Variants in FMN1 observed in about 807,000 individuals in gnomAD.
The protein encoded by FMN1 is formin 1, also known as formin-1.
Under a neutral mutation model 132.4 loss-of-function variants are expected in FMN1, and 110 were observed. The ratio of observed to expected loss-of-function variants is 0.83; its 90% CI spans 0.71 to 0.97. The LOEUF is 0.97. Among genes scored for constraint, FMN1 ranks in the 50% least tolerant of loss-of-function variants. The probability of loss-of-function intolerance (pLI) is 0.00; values close to 1 mark genes in which losing one functional copy is unlikely to be tolerated. For missense variants in FMN1, 1,792 were observed against 1,705.3 expected (o/e 1.05, Z -0.90); for synonymous variants, 722 against 651.7 (o/e 1.11, Z -1.64).
chr15:32,910,389 C>G, intron 11 of FMN1, 85 bp downstream of exon 11: 1 of 1,138,092 alleles, frequency 8.8e-7, no homozygotes, highest in Non-Finnish European at 1.3e-6. Context: ...AAAACCCTTA[C>G]TACCAAAGAA....
intron 17 of FMN1, among the ~76,000 whole-genome samples, chr15:32,813,420 C>CT (rs1305113227): frequency 2.0e-5 from 3 of 151,850 alleles, no homozygotes; most frequent in Middle Eastern, 3.4e-3. Context: ...AGTAAACTCA[C>CT]TTTTTTTTTC....
intron 16 of FMN1, among the ~76,000 whole-genome samples, chr15:32,882,798 C>T (rs1282949288): frequency 1.4e-5 from 2 of 144,734 alleles, no homozygotes; most frequent in African/African-American, 2.7e-5. Flanking sequence ...AATTTGACAA[C>T]CCTAAGAGTA....
intron 17 of FMN1, among the ~76,000 whole-genome samples, chr15:32,825,747 T>C (rs898423086): frequency 5.9e-5 from 9 of 152,238 alleles, no homozygotes; most frequent in African/African-American, 2.2e-4. Flanking sequence ...ACCCTTTTCA[T>C]TGCCATTCCC....
intron 16 of FMN1, among the ~76,000 whole-genome samples, chr15:32,868,480 A>C (rs917804754): frequency 6.6e-6 from 1 of 152,182 alleles, no homozygotes; most frequent in Non-Finnish European, 1.5e-5. Context: ...TGTTTGTGTA[A>C]GTACACTCTA....
chr15:33,058,979 C>T (rs1421335395), intron 6 of FMN1, among the ~76,000 whole-genome samples: 2 of 152,154 alleles, frequency 1.3e-5, no homozygotes, highest in Non-Finnish European at 2.9e-5. Context: ...TGCAACAGAT[C>T]ACAAAATCTA....
chr15:33,160,834 CTA>C (rs1441353632), intron 3 of FMN1, among the ~76,000 whole-genome samples: 1 of 152,054 alleles, frequency 6.6e-6, no homozygotes, highest in Non-Finnish European at 1.5e-5. Context: ...GGCATTCTGT[CTA>C]TGACAACATT....
chr15:33,070,131 G>A lies in FMN1; in HGVS notation c.2044-5057C>T, dbSNP rs183793423. Among the ~76,000 whole-genome samples, 11 of 149,648 alleles carry A rather than the reference G, an allele frequency of 7.4e-5. No individual in the cohort carries two copies. The East Asian group carries it at 1.8e-3, about 24-fold the overall frequency. On this transcript the variant is annotated intron_variant, in intron 5 of 20. Transcript: ENST00000616417. ...AGTGATTCTTCTGCCTCGGCCTCCT[G>A]AGTAGCTGGAATTACAGGAATGCGC...
intron 18 of FMN1, among the ~76,000 whole-genome samples, chr15:32,799,950 T>C (rs1324195354): frequency 2.6e-5 from 4 of 152,160 alleles, no homozygotes; most frequent in Non-Finnish European, 5.9e-5. Flanking sequence ...CTCAATGCTC[T>C]ATCATCTGTT....
chr15:33,104,641 A>G (rs1407119764), intron 4 of FMN1, among the ~76,000 whole-genome samples: 14 of 152,118 alleles, frequency 9.2e-5, no homozygotes, highest in Admixed American at 9.2e-4. Flanking sequence ...GAAGCTAGTA[A>G]TACGTATGTA....
intron 4 of FMN1, among the ~76,000 whole-genome samples, chr15:33,151,714 A>G (rs867599724): frequency 8.6e-5 from 13 of 151,836 alleles, no homozygotes; most frequent in South Asian, 4.1e-4. Context: ...TAATAATCTC[A>G]GAGAGTTTCC....
intron 4 of FMN1, among the ~76,000 whole-genome samples, chr15:33,113,256 A>C (rs1301248415): frequency 6.6e-6 from 1 of 152,162 alleles, no homozygotes; most frequent in Non-Finnish European, 1.5e-5. Context: ...GCTCCTTGAC[A>C]TGAATTCAAA....
At chr15:33,006,154 G>A (rs1021701980) in intron 7 of FMN1, among the ~76,000 whole-genome samples, 2 of 152,054 alleles carry the variant, frequency 1.3e-5, no homozygotes, top group African/African-American at 4.8e-5. Context: ...TATCTGATAA[G>A]GGGTTAATAT....
intron 5 of FMN1, chr15:33,067,093 T>G: frequency 6.2e-7 from 1 of 1,614,010 alleles, no homozygotes; most frequent in South Asian, 1.1e-5. Flanking sequence ...CTCCAGAGAC[T>G]TCTTTTTTAG....
chr15:32,804,359 AT>A (rs748882291), intron 17 of FMN1, 27 bp from the exon 18 acceptor site: 4 of 1,479,630 alleles, frequency 2.7e-6, no homozygotes, highest in South Asian at 2.4e-5. Context: ...ATGATTAAAA[AT>A]TTTTTCTTCT....
chr15:32,996,654 T>C (rs1286973314), intron 7 of FMN1, among the ~76,000 whole-genome samples: 1 of 152,230 alleles, frequency 6.6e-6, no homozygotes, highest in East Asian at 1.9e-4. Flanking sequence ...ATTATTATTG[T>C]TATTCCTCCA....
chr15:33,078,292 A>G (rs2141309771), intron 5 of FMN1, among the ~76,000 whole-genome samples: 1 of 152,006 alleles, frequency 6.6e-6, no homozygotes, highest in South Asian at 2.1e-4. Flanking sequence ...AAATGTGACC[A>G]TCATTATTAT....
chr15:32,824,132 G>A (rs1347936603), intron 17 of FMN1, among the ~76,000 whole-genome samples: 1 of 152,242 alleles, frequency 6.6e-6, no homozygotes, highest in Non-Finnish European at 1.5e-5. Flanking sequence ...CCGTGAGAGG[G>A]GAAAGGTGGG....
chr15:33,031,090 G>A (rs896120847), intron 6 of FMN1, among the ~76,000 whole-genome samples: 39 of 151,704 alleles, frequency 2.6e-4, no homozygotes, highest in African/African-American at 8.9e-4. Context: ...TACCACATCC[G>A]TGTTAGAAGT....
rs1309366999 is a variant in FMN1, at chr15:32,828,710, TTTAGCCCTACCAC to T, written c.3929-24391_3929-24379del. 3.3e-5 allele frequency among the ~76,000 whole-genome samples: 5 copies of T among 152,318 alleles called. No individual in the cohort carries two copies. The East Asian group carries it at 9.6e-4, about 29-fold the overall frequency. On this transcript the variant is annotated intron_variant, in intron 17 of 20. Transcript: ENST00000616417. ...GTCACGACTCAGACAGAAGAAGGGA[TTTAGCCCTACCAC>T]TTGGCTCATGTTCCCTCTTAACCAA...
Sources: allele counts gnomAD v4.1 joint callset (sites outside exome capture counted in the v4.1 genomes callset), GRCh38; gene constraint gnomAD v4.1.1; transcripts MANE v1.5; gene names NCBI Gene and HGNC (gene_info 2026-07-23, HGNC 2026-07-21).